The following DNAAF5 variants were observed in gnomAD, a reference collection of about 807,000 sequenced individuals.
DNAAF5 encodes dynein axonemal assembly factor 5.
DNAAF5 carries 64 observed loss-of-function variants against 75.8 expected under a neutral mutation model. The ratio of observed to expected loss-of-function variants is 0.84; its 90% CI spans 0.69 to 1.04. The LOEUF is 1.04. DNAAF5 is among the 50% of genes least tolerant of loss of function. The pLI, the probability that DNAAF5 is intolerant of heterozygous loss-of-function variation, is 0.00. For synonymous variants in DNAAF5, 657 were observed against 557.2 expected (o/e 1.18, Z -2.52); for missense variants, 1,269 against 1,178.5 (o/e 1.08, Z -1.12).
intron 8 of DNAAF5, among the ~76,000 whole-genome samples, chr7:767,572 T>C (rs1262219598): frequency 1.3e-5 from 2 of 152,076 alleles, no homozygotes; most frequent in African/African-American, 4.8e-5. Context: ...CTGGCAACCA[T>C]TAAAAACAAT....
chr7:739,443 T>C (rs1055036196), intron 2 of DNAAF5, among the ~76,000 whole-genome samples: 3 of 152,186 alleles, frequency 2.0e-5, no homozygotes, highest in African/African-American at 7.2e-5. Context: ...AGCCAGGTGG[T>C]GGAATGGCCG....
chr7:746,260 C>T (rs1782100174), intron 4 of DNAAF5, among the ~76,000 whole-genome samples: 1 of 133,292 alleles, frequency 7.5e-6, no homozygotes, highest in African/African-American at 2.9e-5. Flanking sequence ...TGACGCTCTC[C>T]TTACTGTCTT....
In DNAAF5 at chr7:763,831, C is replaced by A. The variant is rs1562391947; in HGVS notation, c.1640C>A (p.Ala547Asp). 6.2e-7 allele frequency: 1 copy of A among 1,613,434 alleles called. No individual in the cohort carries two copies. Among genetic ancestry groups the A allele is most frequent in the Non-Finnish European group, 8.5e-7 (1 of 1,180,026 alleles). The part of the protein sequence containing the change: ...DKAQETMDSL[A>D]MVEGVSSCQD... Reference sequence around the variant, plus strand: ...GCACAGGAGACGATGGACTCACTGGCCATGGTGGAGGGTGTCAGCAGCTGC... The same window carrying A: ...GCACAGGAGACGATGGACTCACTGGACATGGTGGAGGGTGTCAGCAGCTGC... Residue 547 changes from alanine (A) to aspartate (D), a missense_variant, in exon 8 of 13, where the codon GCC becomes GAC. Physicochemically the swap from Ala to Asp is moderately radical, Grantham distance 126. Coordinates refer to ENST00000297440, the MANE Select transcript of DNAAF5 (RefSeq NM_017802.4).
At chr7:773,930 G>A in intron 9 of DNAAF5, 118 bp from the exon 10 acceptor site, 1 of 1,156,206 alleles carries the variant, frequency 8.6e-7, no homozygotes, top group Non-Finnish European at 1.3e-6. Flanking sequence ...CTCGTGTTTT[G>A]GGGTCGAGTT....
At position 756,856 on chromosome 7, in the gene DNAAF5, G is replaced by A. The variant is rs1456708841; in HGVS notation, c.1332G>A (p.Leu444=). ...EVFLKLILST[L]KKTPSASGLL... is the part of the protein sequence containing the mutation. Reference sequence around the variant, plus strand: ...TTCTGAAGCTGATCTTATCGACGCTGAAGAAGACGCCCTCTGCCTCCGGCC... The same window carrying A: ...TTCTGAAGCTGATCTTATCGACGCTAAAGAAGACGCCCTCTGCCTCCGGCC... Residue 444 remains leucine, a synonymous_variant, in exon 6 of 13, where the codon CTG becomes CTA. Coordinates refer to ENST00000297440, the MANE Select transcript of DNAAF5 (RefSeq NM_017802.4). The A allele has an allele frequency of 1.9e-6, 3 of 1,613,980 alleles. No homozygotes were observed. The highest frequency in any genetic ancestry group is 1.1e-5 in the South Asian group (1 of 91,088).
intron 7 of DNAAF5, among the ~76,000 whole-genome samples, chr7:763,330 G>A (rs1782724375): frequency 6.6e-6 from 1 of 152,190 alleles, no homozygotes; most frequent in Non-Finnish European, 1.5e-5. Context: ...CTGTTCCTAA[G>A]CCCCCAAGGA....
At chr7:780,224 A>G in intron 12 of DNAAF5, 80 bp downstream of exon 12, 2 of 1,387,986 alleles carry the variant, frequency 1.4e-6, no homozygotes, top group South Asian at 1.3e-5. Context: ...GAGCCGTGTG[A>G]CCGGCCACAG....
intron 4 of DNAAF5, among the ~76,000 whole-genome samples, chr7:743,684 G>T (rs1165778113): frequency 8.0e-5 from 10 of 124,748 alleles, no homozygotes; most frequent in South Asian, 2.7e-4. Context: ...CACTCTTGTT[G>T]CCCAGGCTGG....
intron 2 of DNAAF5, among the ~76,000 whole-genome samples, chr7:730,652 C>T (rs540100229): frequency 1.3e-5 from 2 of 152,300 alleles, no homozygotes; most frequent in East Asian, 1.9e-4. Flanking sequence ...CCCGTAGGGC[C>T]GGCTCCAGGT....
chr7:770,788 C>T (rs889084225), intron 9 of DNAAF5, 170 bp downstream of exon 9: 5 of 625,144 alleles, frequency 8.0e-6, no homozygotes, highest in South Asian at 2.7e-5. Context: ...AAAGGTGGGC[C>T]GGGGGTCCCC....
At chr7:774,413 A>G (rs1380643767) in intron 10 of DNAAF5, among the ~76,000 whole-genome samples, 1 of 152,132 alleles carries the variant, frequency 6.6e-6, no homozygotes, top group African/African-American at 2.4e-5. Flanking sequence ...AGCGGGAGCC[A>G]GGCCGCGGGC....
At chr7:771,054 G>C (rs560110832) in intron 9 of DNAAF5, 1 of 157,380 alleles carries the variant, frequency 6.4e-6, no homozygotes, top group Non-Finnish European at 1.4e-5. Flanking sequence ...AAAAGTTTTA[G>C]GGAACATTAA....
At position 785,734 on chromosome 7, in the gene DNAAF5, C is replaced by T. The variant is rs945997443; in HGVS notation, c.*81C>T. ...GCCTTTAAATCTCATAAACAAGGCA[C>T]CTCTGTGCCAGCAGTGAGACTGTGA... is the stretch of plus-strand genomic sequence containing the variant. On this transcript the variant is annotated 3_prime_UTR_variant, in exon 13 of 13. Transcript: ENST00000297440. 1 of 1,516,320 alleles carries T rather than the reference C, an allele frequency of 6.6e-7. No individual in the cohort carries two copies. Among genetic ancestry groups the T allele is most frequent in the South Asian group, 1.2e-5 (1 of 83,102 alleles). 93.9% of individuals were successfully genotyped at this position (1,516,320 alleles called of 1,614,324 possible). A position where few individuals can be genotyped will look rare whatever the true frequency, so the allele number is the denominator to read the frequency against.
intron 8 of DNAAF5, chr7:769,270 C>A: frequency 1.4e-6 from 1 of 712,416 alleles, no homozygotes; most frequent in East Asian, 2.7e-5. Flanking sequence ...GGCCAGAGCG[C>A]CTCCTTCTGC....
At chr7:761,660 T>C (rs911271176) in intron 6 of DNAAF5, 93 bp from the exon 7 acceptor site, 1 of 1,307,628 alleles carries the variant, frequency 7.6e-7, no homozygotes, top group African/African-American at 1.5e-5. Flanking sequence ...CCAGGATACG[T>C]GGGGATTATG....
chr7:764,821 AGC>A (rs1782771361), intron 8 of DNAAF5, among the ~76,000 whole-genome samples: 1 of 152,224 alleles, frequency 6.6e-6, no homozygotes, highest in Non-Finnish European at 1.5e-5. Context: ...CTGTAATCCC[AGC>A]ACTTTGGGAG....
At chr7:774,251 T>A (rs545763426) in intron 10 of DNAAF5, 53 bp downstream of exon 10, 3 of 1,520,344 alleles carry the variant, frequency 2.0e-6, no homozygotes, top group Non-Finnish European at 2.6e-6. Flanking sequence ...TGCGCAGGCT[T>A]CCTGGCGCCC....
chr7:729,536 G>A (rs1781493096), intron 1 of DNAAF5, 127 bp from the exon 2 acceptor site: 3 of 817,906 alleles, frequency 3.7e-6, no homozygotes, highest in Non-Finnish European at 5.8e-6. Context: ...CATGCAGCAA[G>A]GACCTGGCGT....
At position 733,539 on chromosome 7, in the gene DNAAF5, C is replaced by T. The variant is rs182847978; in HGVS notation, c.780+3692C>T. ...TTTGAGACAGTCTCGCTCTGTCATC[C>T]AGGGTGGAGTGCAGTGGTGCGATCT... On this transcript the variant is annotated intron_variant, in intron 2 of 12. Coordinates refer to ENST00000297440, the MANE Select transcript of DNAAF5 (RefSeq NM_017802.4). 1.2e-4 allele frequency among the ~76,000 whole-genome samples: 19 copies of T among 152,226 alleles called. No homozygotes were observed. In the East Asian group the frequency reaches 3.7e-3, roughly 29 times the overall value.
Sources: gnomAD v4.1 joint callset for allele counts (sites outside exome capture counted in the v4.1 genomes callset) on GRCh38, gnomAD v4.1.1 for gene constraint, MANE v1.5 for transcripts, NCBI Gene and HGNC (gene_info 2026-07-23, HGNC 2026-07-21) for gene names.